The following TNXB variants were observed in gnomAD, a reference collection of about 807,000 sequenced individuals.
TNXB encodes tenascin XB.
TNXB carries 183 observed loss-of-function variants against 340.5 expected under a neutral mutation model. That is an observed-to-expected ratio of 0.54 (90% CI 0.48 to 0.61). The LOEUF is 0.61. Among genes scored for constraint, TNXB ranks in the 20% least tolerant of loss-of-function variants. The pLI, the probability that TNXB is intolerant of heterozygous loss-of-function variation, is 0.00. For synonymous variants in TNXB, 2,121 were observed against 2,314.5 expected, an observed-to-expected ratio of 0.92 and a Z score of 2.40; for missense variants, 4,613 against 5,446.4, an observed-to-expected ratio of 0.85 and a Z score of 4.82.
Position 32,049,890 on chromosome 6 carries a change from T to G in TNXB, c.9439+108A>C, listed in dbSNP as rs1401305852. Reference sequence around the variant, plus strand: ...GAGTCCCAGCCCCAGCCACAAGCAGTTCTGTGGTGCTGACCAGACCCCTGT... The same window carrying G: ...GAGTCCCAGCCCCAGCCACAAGCAGGTCTGTGGTGCTGACCAGACCCCTGT... On this transcript the variant is annotated intron_variant, in intron 27 of 43. Transcript: ENST00000644971. The surrounding 1 kb of genome is among the most constrained non-coding windows in gnomAD (Gnocchi z 4.5). 30 of 1,533,706 alleles carry G rather than the reference T, an allele frequency of 2.0e-5. No individual in the cohort carries two copies. Among genetic ancestry groups the G allele is most frequent in the South Asian group, 9.7e-5 (8 of 82,648 alleles).
rs535161150 is a variant in TNXB at position 32,073,510 on chromosome 6, G to A, written c.4681+137C>T. The A allele has an allele frequency of 4.2e-5, 30 of 722,110 alleles. No homozygotes were observed. In the South Asian group the frequency reaches 5.4e-4, roughly 13 times the overall value. The allele number at this position is 722,110 out of a possible 1,614,324, so 44.7% of individuals were successfully genotyped here. On this transcript the variant is annotated intron_variant, in intron 12 of 43. Transcript: ENST00000644971. The surrounding 1 kb of genome is among the most constrained non-coding windows in gnomAD (Gnocchi z 4.6). ...GTCAGGGAACAGAAAGACTGGCAGG[G>A]TCACCGAGCCAGGGCCTGAGGGGAT...
At chr6:32,076,432 G>A (rs1779085489) in intron 11 of TNXB, among the ~76,000 whole-genome samples, 1 of 152,208 alleles carries the variant, frequency 6.6e-6, no homozygotes, top group Non-Finnish European at 1.5e-5. Flanking sequence ...AATGCGCACT[G>A]ATGCCCATTT....
Position 32,052,527 on chromosome 6 carries a change from A to G in TNXB, c.9115+143T>C. 1 of 1,178,158 alleles carries G rather than the reference A, an allele frequency of 8.5e-7. No individual in the cohort carries two copies. The allele number at this position is 1,178,158 out of a possible 1,614,324, so 73.0% of individuals were successfully genotyped here. On this transcript the variant is annotated intron_variant, in intron 26 of 43. Transcript: ENST00000644971. This position sits in a 1 kb window ranked among gnomAD's most constrained non-coding sequence, Gnocchi z 4.7. The stretch of plus-strand genomic sequence containing the variant: ...CCTAGGCCAAGCCTGCTGAATCCAA[A>G]TCTGCTTTTTAACAAAAATCTCCAG...
Position 32,070,139 on chromosome 6 carries a change from C to A in TNXB, c.5266G>T (p.Asp1756Tyr). ...GKKRHGPLTA[D>Y]GTTEARSAMD... ...GAATGCCCCTCACCCGTGGTGCCGTCGGCAGTGAGAGGGCCATGGCGCTTC... is the reference window on the plus strand; with the variant it reads ...GAATGCCCCTCACCCGTGGTGCCGTAGGCAGTGAGAGGGCCATGGCGCTTC... Residue 1756 changes from aspartate (D) to tyrosine (Y), a missense_variant, in exon 14 of 44, where the codon GAC (aspartate) becomes TAC (tyrosine). Coordinates refer to ENST00000644971, the MANE Select transcript of TNXB (RefSeq NM_001365276.2). This position sits in a 1 kb window ranked among gnomAD's most constrained non-coding sequence, Gnocchi z 6.0. The A allele has an allele frequency of 6.3e-7, 1 of 1,577,280 alleles. No homozygotes were observed. Among genetic ancestry groups the A allele is most frequent in the Admixed American group, 1.7e-5 (1 of 57,686 alleles).
Position 32,082,055 on chromosome 6 carries a change from G to A in TNXB, c.3717C>T (p.Leu1239=). The A allele has an allele frequency of 6.2e-7, 1 of 1,606,414 alleles. No homozygotes were observed. The highest frequency in any genetic ancestry group is 8.5e-7 in the Non-Finnish European group (1 of 1,176,854). Reference sequence around the variant, plus strand: ...ACTCACCAGTGGTGCCATCGGCCGTGAGGGGGCCATACCGCTTCTTGTTCG... The same window carrying A: ...ACTCACCAGTGGTGCCATCGGCCGTAAGGGGGCCATACCGCTTCTTGTTCG... ...GIANKKRYGP[L]TADGTTAPER... is the part of the protein sequence containing the mutation. Residue 1239 remains leucine (L), a synonymous_variant, in exon 9 of 44, where the codon CTC becomes CTT. Transcript: ENST00000644971. The surrounding 1 kb of genome is among the most constrained non-coding windows in gnomAD (Gnocchi z 5.0).
Position 32,094,095 on chromosome 6 carries a change from CAAAAAAAAAAAAA to C in TNXB, c.2358+968_2358+980del, listed in dbSNP as rs9281649. ...GGCCACAGAGTGAGACTCTCTGTCTCAAAAAAAAAAAAAAAAAAAAAAAAAAAAAAGAGCAAGT... is the reference window on the plus strand; with the variant it reads ...GGCCACAGAGTGAGACTCTCTGTCTCAAAAAAAAAAAAAAAAAGAGCAAGT... On this transcript the variant is annotated intron_variant, in intron 4 of 43. Coordinates refer to ENST00000644971, the MANE Select transcript of TNXB (RefSeq NM_001365276.2). 5.2e-4 allele frequency among the ~76,000 whole-genome samples: 15 copies of C among 28,970 alleles called. 1 individual carries two copies. The highest frequency in any genetic ancestry group is 3.0e-3 in the Admixed American group (5 of 1,664). The allele number at this position is 28,970 out of a possible 152,430, so 19.0% of individuals were successfully genotyped here.
At chr6:32,059,418 C>CAA (rs571985819) in intron 21 of TNXB, among the ~76,000 whole-genome samples, 747 of 36,478 alleles carry the variant, frequency 0.02, 7 homozygotes, top group African/African-American at 0.025. Context: ...GACTCAGTCT[C>CAA]AAAAAAAAAA....
At position 32,084,540 on chromosome 6, in the gene TNXB, C is replaced by T. The variant is rs376302872; in HGVS notation, c.3318G>A (p.Val1106=). 27 of 1,608,714 alleles carry T rather than the reference C, an allele frequency of 1.7e-5. No homozygotes were observed. In the African/African-American group the frequency reaches 2.9e-4, roughly 18 times the overall value. Residue 1106 remains valine, a synonymous_variant, in exon 8 of 44, where the codon GTG becomes GTA. Coordinates refer to ENST00000644971, the MANE Select transcript of TNXB (RefSeq NM_001365276.2). The surrounding 1 kb of genome is among the most constrained non-coding windows in gnomAD (Gnocchi z 5.5). ...CCGAGCGCTGGGGTCCTTCCACGGG[C>T]ACCACCTGGGGCTGCCCGTCCCTGT... The part of the protein sequence containing the change: ...YKDRDGQPQV[V]PVEGPQRSAV...
intron 21 of TNXB, among the ~76,000 whole-genome samples, chr6:32,059,159 C>T (rs1290820556): frequency 1.3e-5 from 2 of 151,740 alleles, no homozygotes; most frequent in South Asian, 2.1e-4. Context: ...TGGTTCACGC[C>T]TGTAATCCTA....
In TNXB at chr6:32,069,803, C is replaced by T; in HGVS notation, c.5337G>A (p.Gly1779=). The T allele has an allele frequency of 2.5e-6, 4 of 1,608,656 alleles. No homozygotes were observed. Among genetic ancestry groups the T allele is most frequent in the Non-Finnish European group, 3.4e-6 (4 of 1,177,558 alleles). The change falls in exon 15 of 44, where the codon GGG becomes GGA. Residue 1779 remains glycine, a synonymous_variant. Coordinates refer to ENST00000644971, the MANE Select transcript of TNXB (RefSeq NM_001365276.2). The surrounding 1 kb of genome is among the most constrained non-coding windows in gnomAD (Gnocchi z 6.2). ...GTKRPPKPRL[G]EELQVTTVTQ... ...TCACGGTGGTCACCTGCAGCTCCTC[C>T]CCCAGACGGGGTTTTGGGGGACGCT...
rs1777994352 is a variant in TNXB, at chr6:32,061,396, C to G, written c.7492+1G>C. The G allele has an allele frequency of 6.2e-7, 1 of 1,612,052 alleles. No homozygotes were observed. Among genetic ancestry groups the G allele is most frequent in the Non-Finnish European group, 8.5e-7 (1 of 1,179,124 alleles). Reference sequence around the variant, plus strand: ...ACCCCGAGACTCCAAGCACTACTCACCAGTCACGCCCACGGTGGACACCGG... The same window carrying G: ...ACCCCGAGACTCCAAGCACTACTCAGCAGTCACGCCCACGGTGGACACCGG... On this transcript the variant is annotated splice_donor_variant, in intron 21 of 43. Transcript: ENST00000644971. LOFTEE classifies it high-confidence loss of function. This position sits in a 1 kb window ranked among gnomAD's most constrained non-coding sequence, Gnocchi z 4.4.
At position 32,069,225 on chromosome 6, in the gene TNXB, G is replaced by A. The variant is rs1778604751; in HGVS notation, c.5588-89C>T. 7.5e-7 allele frequency: 1 copy of A among 1,331,176 alleles called. No individual in the cohort carries two copies. Among genetic ancestry groups the A allele is most frequent in the Non-Finnish European group, 1.0e-6 (1 of 985,034 alleles). The allele number at this position is 1,331,176 out of a possible 1,614,324, so 82.5% of individuals were successfully genotyped here. On this transcript the variant is annotated intron_variant, in intron 15 of 43. Transcript: ENST00000644971. This position sits in a 1 kb window ranked among gnomAD's most constrained non-coding sequence, Gnocchi z 6.2. ...GAGTGAGGGAGGAGAGGGAGTGAGG[G>A]CAAGCAGTCAGCAATCGAAAGACCA...
Position 32,082,010 on chromosome 6 carries a change from TG to T in TNXB, c.3736+25del. On this transcript the variant is annotated intron_variant, in intron 9 of 43. Transcript: ENST00000644971. The surrounding 1 kb of genome is among the most constrained non-coding windows in gnomAD (Gnocchi z 5.0). ...TGCATGGGGCTGAGAAGGGGTCACA[TG>T]GGGGCTGAGGTGGCTGCTACTCACC... The T allele has an allele frequency of 1.9e-6, 3 of 1,586,102 alleles. No individual in the cohort carries two copies. The highest frequency in any genetic ancestry group is 2.6e-6 in the Non-Finnish European group (3 of 1,166,096).
At position 32,068,414 on chromosome 6, in the gene TNXB, G is replaced by A. The variant is rs377551767; in HGVS notation, c.6196C>T (p.Pro2066Ser). ...YGFHGGQRMGPVSVVGVTAAE... is the reference protein window; with the variant it reads ...YGFHGGQRMGSVSVVGVTAAE... The stretch of plus-strand genomic sequence containing the variant: ...CCTGTCACCCCGACGACAGACACAG[G>A]GCCCATGCGCTGGCCACCGTGGAAG... Residue 2066 changes from proline to serine, a missense_variant, in exon 17 of 44, where the codon CCT becomes TCT. Coordinates refer to ENST00000644971, the MANE Select transcript of TNXB (RefSeq NM_001365276.2). This position sits in a 1 kb window ranked among gnomAD's most constrained non-coding sequence, Gnocchi z 5.3. 1 of 1,613,680 alleles carries A rather than the reference G, an allele frequency of 6.2e-7. No individual in the cohort carries two copies. Among genetic ancestry groups the A allele is most frequent in the East Asian group, 2.2e-5 (1 of 44,870 alleles).
intron 1 of TNXB, among the ~76,000 whole-genome samples, chr6:32,100,912 T>G (rs1780685362): frequency 6.6e-6 from 1 of 150,736 alleles, no homozygotes; most frequent in East Asian, 2.0e-4. Context: ...AAACCCCATC[T>G]CTACTAAAAA....
chr6:32,043,638 C>A (rs534009046), intron 35 of TNXB, 82 bp from the exon 36 acceptor site: 1 of 1,497,446 alleles, frequency 6.7e-7, no homozygotes, highest in East Asian at 2.3e-5. Flanking sequence ...GCCTCCCGTC[C>A]GCAATCGGAG....
Position 32,072,851 on chromosome 6 carries a change from T to G in TNXB, c.4682-553A>C, listed in dbSNP as rs936181914. 6.6e-6 allele frequency among the ~76,000 whole-genome samples: 1 copy of G among 152,178 alleles called. No homozygotes were observed. The highest frequency in any genetic ancestry group is 2.4e-5 in the African/African-American group (1 of 41,438). The stretch of plus-strand genomic sequence containing the variant: ...CCGTAATCCCAGTTACTCGGGAGGC[T>G]GAGGCAGGAGAATTGCTTGAACTTG... On this transcript the variant is annotated intron_variant, in intron 12 of 43. Coordinates refer to ENST00000644971, the MANE Select transcript of TNXB (RefSeq NM_001365276.2). This position sits in a 1 kb window ranked among gnomAD's most constrained non-coding sequence, Gnocchi z 4.4.
At position 32,046,253 on chromosome 6, in the gene TNXB, CA is replaced by C; in HGVS notation, c.10527del (p.Gly3510AlafsTer25). ...TAGAGCAGAAACTTGTATTTCTTGC[CA>C]GGCTCCAGGTCCTCTACGGTGACTG... is the stretch of plus-strand genomic sequence containing the variant. The part of the protein sequence containing the change: ...QRTVTVEDLE[P>X]GKKYKFLLYG... On this transcript the variant is annotated frameshift_variant, in exon 31 of 44. Coordinates refer to ENST00000644971, the MANE Select transcript of TNXB (RefSeq NM_001365276.2). LOFTEE classifies it high-confidence loss of function. The surrounding 1 kb of genome is among the most constrained non-coding windows in gnomAD (Gnocchi z 6.9). 1 of 1,605,340 alleles carries C rather than the reference CA, an allele frequency of 6.2e-7. No individual in the cohort carries two copies. The highest frequency in any genetic ancestry group is 8.5e-7 in the Non-Finnish European group (1 of 1,177,556).
intron 1 of TNXB, among the ~76,000 whole-genome samples, chr6:32,101,077 C>CAAAAAA (rs35800696): frequency 1.1e-3 from 52 of 46,844 alleles, no homozygotes; most frequent in Middle Eastern, 0.027. Context: ...AACTCCATCT[C>CAAAAAA]AAAAAAAAAA....
Sources: allele counts gnomAD v4.1 joint callset (sites outside exome capture counted in the v4.1 genomes callset), GRCh38; gene constraint gnomAD v4.1.1; non-coding constraint Gnocchi (gnomAD v3.1); transcripts MANE v1.5; gene names NCBI Gene and HGNC (gene_info 2026-07-23, HGNC 2026-07-21).